The following C8orf76 variants were observed in gnomAD, a reference collection of about 807,000 sequenced individuals.
C8orf76 encodes chromosome 8 open reading frame 76.
In C8orf76, 46 loss-of-function variants were observed where a neutral mutation model predicts 38.1. The observed-to-expected ratio is 1.21, with a 90% CI of 0.95 to 1.54. C8orf76 has a LOEUF of 1.54. Among genes scored for constraint, C8orf76 ranks in the 40% most tolerant of loss-of-function variants. The pLI is 0.00. For missense variants in C8orf76, 461 were observed against 441.6 expected, an observed-to-expected ratio of 1.04 and a Z score of -0.39; for synonymous variants, 166 against 167.5, an observed-to-expected ratio of 0.99 and a Z score of 0.07.
chr8:123,236,915 G>A (rs1825508946), intron 3 of C8orf76: 2 of 1,302,778 alleles, frequency 1.5e-6, no homozygotes, highest in East Asian at 2.3e-5. Context: ...GCCCAGCAAC[G>A]CCAAAATTCA....
chr8:123,230,145 TGA>T lies in C8orf76; in HGVS notation c.815+1153_815+1154del, dbSNP rs1411734138. ...ATATTCTTTGGTACCATTTGAAACA[TGA>T]GAGAGTCTGCTTCTTCTCTCATCAT... On this transcript the variant is annotated intron_variant, in intron 4 of 5. Transcript: ENST00000276704. 3.9e-5 allele frequency among the ~76,000 whole-genome samples: 6 copies of T among 152,230 alleles called. No individual in the cohort carries two copies. In the South Asian group the frequency reaches 6.2e-4, roughly 16 times the overall value.
chr8:123,241,037 G>A lies in C8orf76; in HGVS notation c.117+193C>T, dbSNP rs146159452. ...AGCCGCTTACAACGCGGGGATTCTC[G>A]CCCATGGACCCGGAATGGGGCCTGG... On this transcript the variant is annotated intron_variant, in intron 1 of 5. Transcript: ENST00000276704. Among the ~76,000 whole-genome samples the A allele has an allele frequency of 1.6e-3, 246 of 152,316 alleles. 1 individual carries two copies. The highest frequency in any genetic ancestry group is 5.8e-3 in the African/African-American group (242 of 41,566).
At chr8:123,233,146 G>A (rs1586807506) in intron 3 of C8orf76, among the ~76,000 whole-genome samples, 2 of 151,452 alleles carry the variant, frequency 1.3e-5, no homozygotes, top group Admixed American at 6.6e-5. Context: ...TCAGCCTCCG[G>A]AGTAGCTGGG....
At chr8:123,229,664 T>C (rs909332126) in intron 4 of C8orf76, among the ~76,000 whole-genome samples, 9 of 152,234 alleles carry the variant, frequency 5.9e-5, no homozygotes, top group Non-Finnish European at 1.0e-4. Context: ...TGTCATTCAA[T>C]GTGCCTCTGA....
At chr8:123,228,512 G>C (rs934516788) in intron 4 of C8orf76, among the ~76,000 whole-genome samples, 2 of 151,982 alleles carry the variant, frequency 1.3e-5, no homozygotes, top group South Asian at 4.2e-4. Context: ...CCAGCTACTC[G>C]GGAGGCTGAG....
At chr8:123,230,463 A>T (rs986041970) in intron 4 of C8orf76, among the ~76,000 whole-genome samples, 1 of 152,160 alleles carries the variant, frequency 6.6e-6, no homozygotes, top group African/African-American at 2.4e-5. Context: ...TAATCTTAAC[A>T]TTCCATCTTG....
chr8:123,224,614 T>G, intron 5 of C8orf76, among the ~76,000 whole-genome samples: 1 of 152,080 alleles, frequency 6.6e-6, no homozygotes, highest in Non-Finnish European at 1.5e-5. Flanking sequence ...TTTTAAAAAA[T>G]AAAAATAAGC....
At chr8:123,221,803 G>C (rs1463942906) in intron 5 of C8orf76, among the ~76,000 whole-genome samples, 3 of 152,066 alleles carry the variant, frequency 2.0e-5, no homozygotes, top group Non-Finnish European at 2.9e-5. Flanking sequence ...CAACTACTTG[G>C]GAGGCGGAGG....
At chr8:123,222,417 T>G (rs1333627676) in intron 5 of C8orf76, among the ~76,000 whole-genome samples, 1 of 152,056 alleles carries the variant, frequency 6.6e-6, no homozygotes, top group East Asian at 1.9e-4. Flanking sequence ...AAAAGATAAA[T>G]GAATAATAGT....
In C8orf76 at chr8:123,230,253, G is replaced by C. The variant is rs200944060; in HGVS notation, c.815+1047C>G. Among the ~76,000 whole-genome samples the C allele has an allele frequency of 3.9e-5, 6 of 152,096 alleles. No homozygotes were observed. The East Asian group carries it at 1.2e-3, about 29-fold the overall frequency. Reference sequence around the variant, plus strand: ...AGATAAAAAGTACTTGGTATCCCTAGGCACAAACCATGGGAATTCTCTGTA... The same window carrying C: ...AGATAAAAAGTACTTGGTATCCCTACGCACAAACCATGGGAATTCTCTGTA... On this transcript the variant is annotated intron_variant, in intron 4 of 5. Transcript: ENST00000276704.
At chr8:123,239,189 T>C (rs1226055780) in intron 1 of C8orf76, 45 bp from the exon 2 acceptor site, 5 of 1,585,056 alleles carry the variant, frequency 3.2e-6, no homozygotes, top group Non-Finnish European at 4.3e-6. Context: ...GCTATGCTTT[T>C]CCACCTCATA....
rs374507087 is a variant in C8orf76, at chr8:123,235,731, C to T, written c.357+2067G>A. 1.3e-4 allele frequency among the ~76,000 whole-genome samples: 20 copies of T among 152,280 alleles called. No homozygotes were observed. The East Asian group carries it at 2.3e-3, about 18-fold the overall frequency. On this transcript the variant is annotated intron_variant, in intron 3 of 5. Transcript: ENST00000276704. ...ATCGGCTGATTGGCAACAGATCCTT[C>T]TCTGAGCCACCGAAACAGATTCCCT...
intron 5 of C8orf76, chr8:123,226,198 T>G: frequency 1.7e-6 from 2 of 1,194,844 alleles, no homozygotes; most frequent in Non-Finnish European, 2.1e-6. Flanking sequence ...ATGTAAGCAT[T>G]CATTCATTCA....
Position 123,231,580 on chromosome 8 carries a change from G to T in C8orf76, c.535C>A (p.Pro179Thr). 6.2e-7 allele frequency: 1 copy of T among 1,614,208 alleles called. No homozygotes were observed. Among genetic ancestry groups the T allele is most frequent in the Non-Finnish European group, 8.5e-7 (1 of 1,180,054 alleles). The change falls in exon 4 of 6, where the codon CCA (proline) becomes ACA (threonine). Residue 179 changes from proline (P) to threonine (T), a missense_variant. Physicochemically the swap from Pro to Thr is conservative, Grantham distance 38. Coordinates refer to ENST00000276704, the MANE Select transcript of C8orf76 (RefSeq NM_032847.3). Reference sequence around the variant, plus strand: ...GACGCAAGTGCTGCTGAAAGAGCTGGCCCCAGATTCAGGTAAGCCTCTGCC... The same window carrying T: ...GACGCAAGTGCTGCTGAAAGAGCTGTCCCCAGATTCAGGTAAGCCTCTGCC... ...KLAEAYLNLG[P>T]ALSAALASSQ...
Position 123,226,634 on chromosome 8 carries a change from T to G in C8orf76, c.816-2A>C, listed in dbSNP as rs1289794375. 1.3e-6 allele frequency: 2 copies of G among 1,588,406 alleles called. No individual in the cohort carries two copies. Among genetic ancestry groups the G allele is most frequent in the Non-Finnish European group, 1.7e-6 (2 of 1,173,200 alleles). On this transcript the variant is annotated splice_acceptor_variant, in intron 4 of 5. Transcript: ENST00000276704. LOFTEE classifies it high-confidence loss of function. Reference sequence around the variant, plus strand: ...GGTTGGGTAAACTGAAGCAGAAGCCTGAAAAACCGAAAAGTCTCAATGCGT... The same window carrying G: ...GGTTGGGTAAACTGAAGCAGAAGCCGGAAAAACCGAAAAGTCTCAATGCGT...
At position 123,237,896 on chromosome 8, in the gene C8orf76, T is replaced by G. The variant is rs775519240; in HGVS notation, c.259A>C (p.Thr87Pro). ...ACATCCCTTTTCATGGCAAAATTGG[T>G]TGATGACAATTTTTCAGAGATACTG... ...YSSISEKLSSTNFAMKRDVQE... is the reference protein window; with the variant it reads ...YSSISEKLSSPNFAMKRDVQE... The change falls in exon 3 of 6, where the codon ACC becomes CCC. Residue 87 changes from threonine (T) to proline (P), a missense_variant. Transcript: ENST00000276704. 1.2e-6 allele frequency: 2 copies of G among 1,613,902 alleles called. No individual in the cohort carries two copies. The highest frequency in any genetic ancestry group is 3.3e-5 in the Admixed American group (2 of 59,994).
At chr8:123,225,593 G>A (rs939060112) in intron 5 of C8orf76, among the ~76,000 whole-genome samples, 16 of 151,790 alleles carry the variant, frequency 1.1e-4, no homozygotes, top group Non-Finnish European at 2.4e-4. Context: ...GGAACGTTAA[G>A]AAACACAGGA....
intron 1 of C8orf76, among the ~76,000 whole-genome samples, chr8:123,240,208 G>T (rs879101379): frequency 1.4e-4 from 21 of 152,240 alleles, no homozygotes; most frequent in South Asian, 4.1e-4. Context: ...TGGAATTCAA[G>T]AGTCCTATCT....
Position 123,220,300 on chromosome 8 carries a change from A to T in C8orf76, c.949-3T>A. The T allele has an allele frequency of 6.5e-7, 1 of 1,544,092 alleles. No individual in the cohort carries two copies. The highest frequency in any genetic ancestry group is 2.2e-5 in the Admixed American group (1 of 44,860). ...TCTGGGATATCTTCTCCCATAACCT[A>T]TAACAGGAGGAAAAAAAAAAACTGT... On this transcript the variant is annotated splice_polypyrimidine_tract_variant and splice_region_variant and intron_variant, in intron 5 of 5. Coordinates refer to ENST00000276704, the MANE Select transcript of C8orf76 (RefSeq NM_032847.3).
Sources: allele counts gnomAD v4.1 joint callset (sites outside exome capture counted in the v4.1 genomes callset), GRCh38; gene constraint gnomAD v4.1.1; transcripts MANE v1.5; gene names NCBI Gene and HGNC (gene_info 2026-07-23, HGNC 2026-07-21).